FAM227B: variants seen among roughly 807,000 people sequenced by gnomAD.
FAM227B encodes family with sequence similarity 227 member B, also known as protein FAM227B.
In FAM227B, 88 loss-of-function variants were observed where a neutral mutation model predicts 73.8. The ratio of observed to expected loss-of-function variants is 1.19; its 90% CI spans 1.00 to 1.42. FAM227B has a LOEUF of 1.42. Among genes scored for constraint, FAM227B ranks in the 40% most tolerant of loss-of-function variants. The probability of loss-of-function intolerance (pLI) is 0.00; values close to 1 mark genes in which losing one functional copy is unlikely to be tolerated. For missense variants in FAM227B, 632 were observed against 590.9 expected, an observed-to-expected ratio of 1.07 and a Z score of -0.72; for synonymous variants, 210 against 190.5, an observed-to-expected ratio of 1.10 and a Z score of -0.84.
At chr15:49,611,290 T>C in intron 2 of FAM227B, 22 bp from the exon 3 acceptor site, 2 of 1,426,340 alleles carry the variant, frequency 1.4e-6, no homozygotes, top group Non-Finnish European at 2.0e-6. Flanking sequence ...ATATCAACAT[T>C]GTTCATTGGC....
At chr15:49,617,722 G>A (rs1338232945) in intron 1 of FAM227B, among the ~76,000 whole-genome samples, 2 of 151,906 alleles carry the variant, frequency 1.3e-5, no homozygotes. Context: ...TATTTCACAG[G>A]TCTAGAGGTC....
At chr15:49,334,521 C>T (rs1234336179) in intron 14 of FAM227B, among the ~76,000 whole-genome samples, 4 of 152,174 alleles carry the variant, frequency 2.6e-5, no homozygotes, top group Non-Finnish European at 5.9e-5. Flanking sequence ...TGGACTCCAC[C>T]TTCTGCTACC....
intron 11 of FAM227B, among the ~76,000 whole-genome samples, chr15:49,421,723 C>A (rs1230887163): frequency 1.3e-5 from 2 of 152,144 alleles, no homozygotes; most frequent in South Asian, 4.1e-4. Context: ...TCTTTAGAAG[C>A]AATATCTAAG....
At chr15:49,598,170 AAAGCTAC>A (rs2076988218) in intron 3 of FAM227B, among the ~76,000 whole-genome samples, 1 of 151,956 alleles carries the variant, frequency 6.6e-6, no homozygotes, top group South Asian at 2.1e-4. Context: ...GACAACAAAA[AAAGCTAC>A]ATGCCAATAC....
At chr15:49,618,055 C>G (rs2078411973) in intron 1 of FAM227B, among the ~76,000 whole-genome samples, 1 of 152,096 alleles carries the variant, frequency 6.6e-6, no homozygotes, top group African/African-American at 2.4e-5. Flanking sequence ...TTGATTATGT[C>G]CAGCCACCCA....
At chr15:49,468,733 A>ACATTGAAT (rs2054480502) in intron 11 of FAM227B, among the ~76,000 whole-genome samples, 1 of 152,136 alleles carries the variant, frequency 6.6e-6, no homozygotes, top group African/African-American at 2.4e-5. Context: ...CCTAACTCAA[A>ACATTGAAT]CATTGAATCA....
chr15:49,481,842 G>A (rs1323538713), intron 11 of FAM227B, among the ~76,000 whole-genome samples: 4 of 152,116 alleles, frequency 2.6e-5, no homozygotes, highest in Non-Finnish European at 5.9e-5. Context: ...GCTCTGACTA[G>A]TGTTAAGTAT....
intron 13 of FAM227B, among the ~76,000 whole-genome samples, chr15:49,360,093 GT>G (rs1326303902): frequency 8.8e-6 from 1 of 113,604 alleles, no homozygotes; most frequent in African/African-American, 3.4e-5. Flanking sequence ...CTGTTGTGGG[GT>G]GGGGGGAGGG....
intron 9 of FAM227B, among the ~76,000 whole-genome samples, chr15:49,550,282 C>G (rs1598140248): frequency 7.1e-6 from 1 of 140,504 alleles, no homozygotes; most frequent in Non-Finnish European, 1.5e-5. Flanking sequence ...GTAGGGGCGG[C>G]CGGGCAGAGG....
At chr15:49,525,665 AATATAT>A (rs57123974) in intron 10 of FAM227B, among the ~76,000 whole-genome samples, 1,438 of 80,460 alleles carry the variant, frequency 0.018, 34 homozygotes, top group African/African-American at 0.028. Context: ...AGGGTGGAGA[AATATAT>A]ATATATATAT....
intron 11 of FAM227B, among the ~76,000 whole-genome samples, chr15:49,427,209 G>T (rs965264436): frequency 6.6e-6 from 1 of 151,886 alleles, no homozygotes. Flanking sequence ...GGAAATCTAG[G>T]TTCAAAAAAT....
At chr15:49,379,615 T>C (rs1430510720) in intron 11 of FAM227B, among the ~76,000 whole-genome samples, 1 of 152,248 alleles carries the variant, frequency 6.6e-6, no homozygotes, top group Non-Finnish European at 1.5e-5. Context: ...TGGTATCAGT[T>C]GTATTGCTTC....
chr15:49,501,372 G>C (rs1466483531), intron 11 of FAM227B, among the ~76,000 whole-genome samples: 1 of 152,230 alleles, frequency 6.6e-6, no homozygotes, highest in East Asian at 1.9e-4. Context: ...TTGGGAACTG[G>C]AGCAAAGGTC....
intron 11 of FAM227B, among the ~76,000 whole-genome samples, chr15:49,505,419 C>T (rs1477827117): frequency 6.6e-6 from 1 of 151,792 alleles, no homozygotes; most frequent in African/African-American, 2.4e-5. Flanking sequence ...TCTCAAAAAG[C>T]TGAAAAAACA....
intron 11 of FAM227B, among the ~76,000 whole-genome samples, chr15:49,381,484 A>G (rs1363075959): frequency 6.6e-6 from 1 of 152,216 alleles, no homozygotes; most frequent in Admixed American, 6.5e-5. Context: ...CCTTGGTGAC[A>G]TCCATGAGAA....
rs763898087 is a variant in FAM227B at position 49,396,286 on chromosome 15, G to C, written c.1013-24887C>G. 4.7e-4 allele frequency: 191 copies of C among 403,926 alleles called. 2 individuals are homozygous for C. Among genetic ancestry groups the C allele is most frequent in the Non-Finnish European group, 2.0e-4 (41 of 206,844 alleles). The allele number at this position is 403,926 out of a possible 1,614,324, so 25.0% of individuals were successfully genotyped here. A position where few individuals can be genotyped will look rare whatever the true frequency, so the allele number is the denominator to read the frequency against. ...TCCCACCTGAATACTGTGCTTTTCTGACGGGCTTAAAAAGCGGCGCACCAC... is the reference window on the plus strand; with the variant it reads ...TCCCACCTGAATACTGTGCTTTTCTCACGGGCTTAAAAAGCGGCGCACCAC... On this transcript the variant is annotated intron_variant, in intron 11 of 15. Transcript: ENST00000299338.
At chr15:49,424,158 C>T (rs1355310963) in intron 11 of FAM227B, 2 of 706,352 alleles carry the variant, frequency 2.8e-6, no homozygotes, top group Non-Finnish European at 4.7e-6. Flanking sequence ...ATAAGGCTAA[C>T]AATTTGGAAA....
intron 11 of FAM227B, among the ~76,000 whole-genome samples, chr15:49,373,977 T>C (rs1238681734): frequency 6.6e-6 from 1 of 152,190 alleles, no homozygotes; most frequent in African/African-American, 2.4e-5. Context: ...GCCTCATACC[T>C]GCATTAAAAG....
chr15:49,564,337 G>C (rs1378023269), intron 9 of FAM227B, among the ~76,000 whole-genome samples: 1 of 152,118 alleles, frequency 6.6e-6, no homozygotes, highest in Non-Finnish European at 1.5e-5. Flanking sequence ...AAAAACAATG[G>C]ATGCTGGCAA....
Sources: allele counts gnomAD v4.1 joint callset (sites outside exome capture counted in the v4.1 genomes callset), GRCh38; gene constraint gnomAD v4.1.1; transcripts MANE v1.5; gene names NCBI Gene and HGNC (gene_info 2026-07-23, HGNC 2026-07-21).